Variants in KCNIP4 observed in about 807,000 individuals in gnomAD.
The protein encoded by KCNIP4 is potassium voltage-gated channel interacting protein 4, also known as Kv channel-interacting protein 4.
Under a neutral mutation model 34.0 loss-of-function variants are expected in KCNIP4, and 12 were observed. The ratio of observed to expected loss-of-function variants is 0.35; its 90% CI spans 0.23 to 0.57. The LOEUF (loss-of-function observed/expected upper bound fraction) is 0.57. KCNIP4 is among the 20% of genes least tolerant of loss of function. KCNIP4 has a pLI of 0.83. For synonymous variants in KCNIP4, 124 were observed against 102.2 expected, an observed-to-expected ratio of 1.21 and a Z score of -1.29; for missense variants, 238 against 311.7, an observed-to-expected ratio of 0.76 and a Z score of 1.78.
At chr4:20,748,558 TTTTATATATATATATATATA>T (rs1197042523) in intron 5 of KCNIP4, among the ~76,000 whole-genome samples, 9,511 of 118,522 alleles carry the variant, frequency 0.08, 508 homozygotes, top group African/African-American at 0.14. Context: ...ACCTTCCAAA[TTTTATATATATATATATATA>T]TATATATATA....
intron 1 of KCNIP4, among the ~76,000 whole-genome samples, chr4:21,037,653 C>T (rs147698110): frequency 2.3e-3 from 348 of 152,258 alleles, no homozygotes; most frequent in Non-Finnish European, 4.0e-3. Context: ...ACTGTACTTG[C>T]GTTGGAAGTG....
intron 1 of KCNIP4, among the ~76,000 whole-genome samples, chr4:21,834,899 T>G (rs1723225767): frequency 1.3e-5 from 2 of 152,176 alleles, no homozygotes; most frequent in Admixed American, 1.3e-4. Flanking sequence ...TTACATTTAT[T>G]GATTTGCATA....
intron 3 of KCNIP4, among the ~76,000 whole-genome samples, chr4:20,845,444 A>G (rs1720252110): frequency 6.6e-6 from 1 of 151,992 alleles, no homozygotes; most frequent in African/African-American, 2.4e-5. Flanking sequence ...ATGGCCCCTA[A>G]CTGTAACTTT....
At chr4:21,332,435 C>T (rs1715751106) in intron 1 of KCNIP4, among the ~76,000 whole-genome samples, 1 of 151,944 alleles carries the variant, frequency 6.6e-6, no homozygotes, top group African/African-American at 2.4e-5. Flanking sequence ...GACATGGGAC[C>T]AGTTATGTCC....
chr4:21,078,830 C>T (rs527758253), intron 1 of KCNIP4, among the ~76,000 whole-genome samples: 181 of 152,146 alleles, frequency 1.2e-3, no homozygotes, highest in African/African-American at 4.1e-3. Flanking sequence ...CTTCTCTTGT[C>T]CCTGTACTCA....
At chr4:21,076,260 G>C (rs553302455) in intron 1 of KCNIP4, among the ~76,000 whole-genome samples, 108 of 151,832 alleles carry the variant, frequency 7.1e-4, no homozygotes, top group Non-Finnish European at 1.4e-3. Context: ...AATTCTCCCC[G>C]TCACTTTCAG....
intron 1 of KCNIP4, among the ~76,000 whole-genome samples, chr4:21,713,725 C>A (rs1035110562): frequency 6.6e-6 from 1 of 152,148 alleles, no homozygotes; most frequent in Non-Finnish European, 1.5e-5. Context: ...GTATGTTTTA[C>A]CCATTCACCA....
At chr4:21,430,439 C>T (rs888992724) in intron 1 of KCNIP4, among the ~76,000 whole-genome samples, 1 of 151,790 alleles carries the variant, frequency 6.6e-6, no homozygotes, top group East Asian at 1.9e-4. Flanking sequence ...CATGCAATTA[C>T]CTTTGAGGAA....
intron 1 of KCNIP4, among the ~76,000 whole-genome samples, chr4:21,506,861 G>T (rs358553): frequency 0.015 from 2,275 of 151,802 alleles, 60 homozygotes; most frequent in African/African-American, 0.052. Flanking sequence ...GCATGATCAC[G>T]GTTCACTGCA....
At chr4:21,490,114 G>A (rs1462884729) in intron 1 of KCNIP4, among the ~76,000 whole-genome samples, 1 of 152,068 alleles carries the variant, frequency 6.6e-6, no homozygotes, top group East Asian at 1.9e-4. Context: ...TAAATTTTAT[G>A]CATTTAATAA....
chr4:21,048,263 C>T (rs1742608225), intron 1 of KCNIP4, among the ~76,000 whole-genome samples: 1 of 152,096 alleles, frequency 6.6e-6, no homozygotes, highest in Non-Finnish European at 1.5e-5. Flanking sequence ...GATCTTCCTC[C>T]TCTATCTCCT....
At chr4:21,025,048 G>A (rs1184950403) in intron 1 of KCNIP4, among the ~76,000 whole-genome samples, 1 of 152,174 alleles carries the variant, frequency 6.6e-6, no homozygotes, top group Non-Finnish European at 1.5e-5. Flanking sequence ...CATAGAACCT[G>A]AGAGGAGATT....
At chr4:21,750,309 T>C (rs1717069843) in intron 1 of KCNIP4, among the ~76,000 whole-genome samples, 2 of 152,146 alleles carry the variant, frequency 1.3e-5, no homozygotes, top group Admixed American at 6.6e-5. Flanking sequence ...AGCTGTAAAA[T>C]GCTTCCTTAA....
chr4:21,934,305 T>C (rs960014363), intron 1 of KCNIP4, among the ~76,000 whole-genome samples: 1 of 151,984 alleles, frequency 6.6e-6, no homozygotes, highest in Non-Finnish European at 1.5e-5. Context: ...GTCATTTTCA[T>C]CAATTCCTTC....
intron 1 of KCNIP4, among the ~76,000 whole-genome samples, chr4:21,365,019 G>T (rs1719600797): frequency 6.6e-6 from 1 of 152,158 alleles, no homozygotes; most frequent in Non-Finnish European, 1.5e-5. Flanking sequence ...TGGAAAACTG[G>T]AAAAGCCAAG....
rs532767349 is a variant in KCNIP4 at position 21,091,654 on chromosome 4, G to C, written c.62-208945C>G. Among the ~76,000 whole-genome samples the C allele has an allele frequency of 2.0e-5, 3 of 152,294 alleles. No individual in the cohort carries two copies. In the East Asian group the frequency reaches 5.8e-4, roughly 29 times the overall value. On this transcript the variant is annotated intron_variant, in intron 1 of 8. Coordinates refer to ENST00000382152, the MANE Select transcript of KCNIP4 (RefSeq NM_025221.6). ...CAGAAATTTATTTCTCACAGCTCTG[G>C]AGGCTGGAAGTCCAAAATCTGTGCC...
chr4:21,666,954 T>C (rs1749015378), intron 1 of KCNIP4, among the ~76,000 whole-genome samples: 1 of 152,094 alleles, frequency 6.6e-6, no homozygotes, highest in African/African-American at 2.4e-5. Flanking sequence ...TAGCAAGAAG[T>C]AGAAGGAGAA....
At chr4:21,764,502 A>T (rs569680881) in intron 1 of KCNIP4, among the ~76,000 whole-genome samples, 1 of 152,244 alleles carries the variant, frequency 6.6e-6, no homozygotes, top group Admixed American at 6.5e-5. Context: ...AAATGAAACA[A>T]GGTGTGTCAT....
chr4:20,876,892 G>C lies in KCNIP4; in HGVS notation c.163+5716C>G, dbSNP rs141680446. Among the ~76,000 whole-genome samples, 11 of 152,244 alleles carry C rather than the reference G, an allele frequency of 7.2e-5. No homozygotes were observed. In the East Asian group the frequency reaches 2.1e-3, roughly 29 times the overall value. On this transcript the variant is annotated intron_variant, in intron 2 of 8. Transcript: ENST00000382152. ...TGGCCCATGAAGAAATCTTATAAGAGGAGTGTGACTCTAAGTCTGACTGAC... is the reference window on the plus strand; with the variant it reads ...TGGCCCATGAAGAAATCTTATAAGACGAGTGTGACTCTAAGTCTGACTGAC...
Sources: gnomAD v4.1 joint callset for allele counts (sites outside exome capture counted in the v4.1 genomes callset) on GRCh38, gnomAD v4.1.1 for gene constraint, MANE v1.5 for transcripts, NCBI Gene and HGNC (gene_info 2026-07-23, HGNC 2026-07-21) for gene names.